Variants in BRWD1 observed in about 807,000 individuals in gnomAD.
BRWD1 encodes bromodomain and WD repeat domain containing 1, also known as bromodomain and WD repeat-containing protein 1.
In BRWD1, 82 loss-of-function variants were observed where a neutral mutation model predicts 251.2. The ratio of observed to expected loss-of-function variants is 0.33; its 90% CI spans 0.27 to 0.39. The LOEUF is 0.39. BRWD1 is among the 10% of genes least tolerant of loss of function. The pLI is 1.00. For synonymous variants in BRWD1, 918 were observed against 902.8 expected, an observed-to-expected ratio of 1.02 and a Z score of -0.30; for missense variants, 2,233 against 2,711.6, an observed-to-expected ratio of 0.82 and a Z score of 3.92.
rs1190655858 is a variant in BRWD1, at chr21:39,193,378, A to T, written c.*2881T>A. 3 of 984,822 alleles carry T rather than the reference A, an allele frequency of 3.0e-6. No individual in the cohort carries two copies. The African/African-American group carries it at 5.2e-5, about 17-fold the overall frequency. The allele number at this position is 984,822 out of a possible 1,614,324, so 61.0% of individuals were successfully genotyped here. On this transcript the variant is annotated 3_prime_UTR_variant, in exon 41 of 41. Transcript: ENST00000342449. ...ATGGGATAAACTTTTCCTTTTATTCATAAGTTACTTCACATTGTAAGTATA... is the reference window on the plus strand; with the variant it reads ...ATGGGATAAACTTTTCCTTTTATTCTTAAGTTACTTCACATTGTAAGTATA...
rs2032592388 is a variant in BRWD1 at position 39,210,146 on chromosome 21, T to A, written c.4046A>T (p.Asp1349Val). The A allele has an allele frequency of 5.6e-6, 9 of 1,603,658 alleles. No homozygotes were observed. Among genetic ancestry groups the A allele is most frequent in the Non-Finnish European group, 7.7e-6 (9 of 1,173,486 alleles). Residue 1349 changes from aspartate to valine, a missense_variant and splice_region_variant, in exon 36 of 41, where the codon GAC (aspartate) becomes GTC (valine). Asp to Val is a radical substitution (Grantham distance 152). This residue lies in a region of BRWD1 where 69 missense variants were observed against 101.6 expected (regional missense o/e 0.68). Coordinates refer to ENST00000342449, the MANE Select transcript of BRWD1 (RefSeq NM_033656.4). ...TGGGGTATCTATAATATCTCTGTAG[T>A]CCTAGGTTTTAAACACAATATTTAA... Reference protein sequence around the residue: ...RQPVDLVEYPDYRDIIDTPMD... With the variant: ...RQPVDLVEYPVYRDIIDTPMD...
chr21:39,297,252 AG>A (rs2035985916), intron 5 of BRWD1: 1 of 985,352 alleles, frequency 1.0e-6, no homozygotes, highest in Non-Finnish European at 1.2e-6. Context: ...ACCTCTACTG[AG>A]CCTCGGGTGC....
rs773699028 is a variant in BRWD1 at position 39,202,306 on chromosome 21, A to G, written c.4585+19T>C. The G allele has an allele frequency of 2.2e-5, 35 of 1,576,166 alleles. No homozygotes were observed. The highest frequency in any genetic ancestry group is 3.0e-5 in the Non-Finnish European group (34 of 1,150,352). On this transcript the variant is annotated intron_variant, in intron 38 of 40. Coordinates refer to ENST00000342449, the MANE Select transcript of BRWD1 (RefSeq NM_033656.4). ...TTTGGGTGCTCAGCAAAGAAATAAC[A>G]TAGTATTTCACTTCTCACCAGATAA...
intron 4 of BRWD1, among the ~76,000 whole-genome samples, chr21:39,310,158 T>G (rs1486300402): frequency 1.3e-5 from 2 of 152,258 alleles, no homozygotes; most frequent in African/African-American, 4.8e-5. Context: ...TGATAGTTTC[T>G]TAAAACATAT....
Position 39,194,358 on chromosome 21 carries a change from T to C in BRWD1, c.*1901A>G. 1 of 1,068,120 alleles carries C rather than the reference T, an allele frequency of 9.4e-7. No homozygotes were observed. Among genetic ancestry groups the C allele is most frequent in the East Asian group, 7.0e-5 (1 of 14,238 alleles). 66.2% of individuals were successfully genotyped at this position (1,068,120 alleles called of 1,614,324 possible). A position where few individuals can be genotyped will look rare whatever the true frequency, so the allele number is the denominator to read the frequency against. ...GAAGGTTAAGAAGAGTTTAAATAAA[T>C]TAATGGATTTGACATCTATCACCAG... On this transcript the variant is annotated 3_prime_UTR_variant, in exon 41 of 41. Transcript: ENST00000342449.
chr21:39,215,402 G>A, intron 31 of BRWD1, 40 bp from the exon 32 acceptor site: 3 of 1,576,828 alleles, frequency 1.9e-6, no homozygotes, highest in Non-Finnish European at 2.6e-6. Context: ...TAGAAAATGA[G>A]AAGATAGAAA....
In BRWD1 at chr21:39,196,527, G is replaced by A. The variant is rs148068634; in HGVS notation, c.6542C>T (p.Thr2181Met). The A allele has an allele frequency of 4.5e-5, 73 of 1,613,224 alleles. No individual in the cohort carries two copies. The East Asian group carries it at 6.0e-4, about 13-fold the overall frequency. Residue 2181 changes from threonine (T) to methionine (M), a missense_variant, in exon 41 of 41, where the codon ACG (threonine) becomes ATG (methionine). Coordinates refer to ENST00000342449, the MANE Select transcript of BRWD1 (RefSeq NM_033656.4). The part of the protein sequence containing the change: ...TDNTKTKRRK[T>M]KGKAKVVRKG... The stretch of plus-strand genomic sequence containing the variant: ...TCTAACTACTTTTGCTTTTCCTTTC[G>A]TTTTCCTCCTTTTGGTTTTTGTATT...
intron 15 of BRWD1, 102 bp from the exon 16 acceptor site, chr21:39,265,121 GAAAAAA>G: frequency 1.2e-6 from 1 of 822,158 alleles, no homozygotes; most frequent in Non-Finnish European, 1.7e-6. Context: ...TATCCCTTCT[GAAAAAA>G]AAAAAAAAAG....
intron 37 of BRWD1, 56 bp downstream of exon 37, chr21:39,206,052 A>C: frequency 1.3e-6 from 2 of 1,522,634 alleles, no homozygotes; most frequent in Non-Finnish European, 1.8e-6. Flanking sequence ...TGACACAGTG[A>C]GACTCTCTCC....
rs1380066217 is a variant in BRWD1, at chr21:39,195,727, A to G, written c.*532T>C. ...AGATCTGGTATAATGCATTCTACTCAAGTAGCCAGGGGAAGAAAAAAAAAA... is the reference window on the plus strand; with the variant it reads ...AGATCTGGTATAATGCATTCTACTCGAGTAGCCAGGGGAAGAAAAAAAAAA... On this transcript the variant is annotated 3_prime_UTR_variant, in exon 41 of 41. Transcript: ENST00000342449. 4.1e-6 allele frequency: 4 copies of G among 971,090 alleles called. No individual in the cohort carries two copies. In the East Asian group the frequency reaches 3.5e-4, roughly 86 times the overall value. The allele number at this position is 971,090 out of a possible 1,614,324, so 60.2% of individuals were successfully genotyped here.
intron 4 of BRWD1, among the ~76,000 whole-genome samples, chr21:39,304,381 C>T (rs719230): frequency 0.6 from 91,267 of 151,772 alleles, 27,640 homozygotes; most frequent in Admixed American, 0.66. Context: ...GAAGCCAAGG[C>T]GGGAGGACTG....
Position 39,295,765 on chromosome 21 carries a change from C to G in BRWD1, c.587G>C (p.Arg196Thr). 1 of 1,602,548 alleles carries G rather than the reference C, an allele frequency of 6.2e-7. No individual in the cohort carries two copies. Among genetic ancestry groups the G allele is most frequent in the Non-Finnish European group, 8.5e-7 (1 of 1,173,664 alleles). ...CACTGTAAAGATTCTATGTCCTGTC[C>G]TATCAAATGCTACACAGTAAACAGC... ...LSAVYCVAFD[R>T]TGHRIFTGSD... Residue 196 changes from arginine (R) to threonine (T), a missense_variant, in exon 7 of 41, where the codon AGG (arginine) becomes ACG (threonine). Coordinates refer to ENST00000342449, the MANE Select transcript of BRWD1 (RefSeq NM_033656.4).
chr21:39,302,039 G>A (rs1403712842), intron 4 of BRWD1, among the ~76,000 whole-genome samples: 3 of 126,400 alleles, frequency 2.4e-5, no homozygotes, highest in African/African-American at 9.1e-5. Flanking sequence ...CTGGAGTGTA[G>A]TGGCCCCAAT....
Position 39,187,963 on chromosome 21 carries a change from A to G in BRWD1, c.*8296T>C. 1 of 985,312 alleles carries G rather than the reference A, an allele frequency of 1.0e-6. No individual in the cohort carries two copies. Among genetic ancestry groups the G allele is most frequent in the Non-Finnish European group, 1.2e-6 (1 of 829,866 alleles). The allele number at this position is 985,312 out of a possible 1,614,324, so 61.0% of individuals were successfully genotyped here. A position where few individuals can be genotyped will look rare whatever the true frequency, so the allele number is the denominator to read the frequency against. On this transcript the variant is annotated 3_prime_UTR_variant, in exon 41 of 41. Coordinates refer to ENST00000342449, the MANE Select transcript of BRWD1 (RefSeq NM_033656.4). ...AAATTGTGAAGGGATTTGCCAGACA[A>G]AAAGCACTTTGGAGAGTTAACTACT...
At chr21:39,289,785 G>A (rs904986153) in intron 8 of BRWD1, among the ~76,000 whole-genome samples, 4 of 152,118 alleles carry the variant, frequency 2.6e-5, no homozygotes, top group South Asian at 2.1e-4. Flanking sequence ...AGCACTTTGC[G>A]AGGCCGAGGC....
chr21:39,277,461 G>T, intron 10 of BRWD1, 110 bp from the exon 11 acceptor site: 1 of 669,204 alleles, frequency 1.5e-6, no homozygotes, highest in Non-Finnish European at 2.2e-6. Flanking sequence ...CTAAAACTAA[G>T]TTTATCTCAA....
intron 10 of BRWD1, 89 bp from the exon 11 acceptor site, chr21:39,277,440 G>C: frequency 2.4e-6 from 2 of 818,088 alleles, no homozygotes; most frequent in Admixed American, 3.7e-5. Flanking sequence ...AAAAAAGAAA[G>C]ATCATTTACC....
chr21:39,224,311 A>G, intron 29 of BRWD1, 97 bp downstream of exon 29: 1 of 632,508 alleles, frequency 1.6e-6, no homozygotes. Flanking sequence ...ATTTGAATAT[A>G]TTGATCATAG....
intron 29 of BRWD1, among the ~76,000 whole-genome samples, chr21:39,221,514 A>G (rs2033176274): frequency 6.6e-6 from 1 of 152,116 alleles, no homozygotes; most frequent in African/African-American, 2.4e-5. Flanking sequence ...ATGAAACAGT[A>G]AAAGAAAATA....
Sources: gnomAD v4.1 joint callset for allele counts (sites outside exome capture counted in the v4.1 genomes callset) on GRCh38, gnomAD v4.1.1 for gene constraint, gnomAD v4.1.1 regional missense constraint, MANE v1.5 for transcripts, NCBI Gene and HGNC (gene_info 2026-07-23, HGNC 2026-07-21) for gene names.